The following LSAMP variants were observed in gnomAD, a reference collection of about 807,000 sequenced individuals.
LSAMP encodes the protein limbic system-associated membrane protein.
In LSAMP, 7 loss-of-function variants were observed where a neutral mutation model predicts 38.6. That is an observed-to-expected ratio of 0.18 (90% CI 0.10 to 0.34). The LOEUF is 0.34. Among genes scored for constraint, LSAMP ranks in the 10% least tolerant of loss-of-function variants. The probability of loss-of-function intolerance (pLI) is 1.00; values close to 1 mark genes in which losing one functional copy is unlikely to be tolerated. For missense variants in LSAMP, 313 were observed against 420.0 expected (o/e 0.75, Z 2.23); for synonymous variants, 154 against 166.8 (o/e 0.92, Z 0.59).
At chr3:116,184,839 G>T (rs1209639662) in intron 1 of LSAMP, among the ~76,000 whole-genome samples, 3 of 151,660 alleles carry the variant, frequency 2.0e-5, no homozygotes, top group African/African-American at 7.3e-5. Context: ...CTTTCTCAAA[G>T]ATTTTATTTT....
chr3:116,246,141 C>T (rs2046603005), intron 1 of LSAMP, among the ~76,000 whole-genome samples: 1 of 152,184 alleles, frequency 6.6e-6, no homozygotes, highest in African/African-American at 2.4e-5. Context: ...ATTCAAGTTT[C>T]CCAAACAAAA....
At chr3:115,945,660 T>G (rs978226071) in intron 3 of LSAMP, among the ~76,000 whole-genome samples, 43 of 152,074 alleles carry the variant, frequency 2.8e-4, no homozygotes, top group African/African-American at 9.9e-4. Flanking sequence ...GGTCCTAGCA[T>G]CCAACCACTT....
intron 6 of LSAMP, among the ~76,000 whole-genome samples, chr3:115,838,863 C>A (rs1336812083): frequency 6.6e-6 from 1 of 152,184 alleles, no homozygotes; most frequent in African/African-American, 2.4e-5. Context: ...GTGGTGGATA[C>A]GGCTGAAAAT....
At chr3:116,040,752 CT>C (rs907804122) in intron 2 of LSAMP, among the ~76,000 whole-genome samples, 8 of 151,894 alleles carry the variant, frequency 5.3e-5, no homozygotes, top group Non-Finnish European at 1.0e-4. Flanking sequence ...CTCTTTCTTC[CT>C]TTTTTTTCTT....
intron 1 of LSAMP, among the ~76,000 whole-genome samples, chr3:116,382,037 A>G (rs2048565972): frequency 6.6e-6 from 1 of 152,154 alleles, no homozygotes; most frequent in South Asian, 2.1e-4. Context: ...GATGTGGAGA[A>G]ACAGGAATAC....
At chr3:116,306,060 T>C (rs1173731256) in intron 1 of LSAMP, among the ~76,000 whole-genome samples, 2 of 152,046 alleles carry the variant, frequency 1.3e-5, no homozygotes, top group African/African-American at 4.8e-5. Flanking sequence ...TTAATGTTTA[T>C]TCAACAAATA....
At chr3:116,112,729 C>G (rs879286395) in intron 1 of LSAMP, among the ~76,000 whole-genome samples, 5 of 152,078 alleles carry the variant, frequency 3.3e-5, no homozygotes, top group Admixed American at 6.5e-5. Flanking sequence ...AAGTGGGGAA[C>G]GAGTTTGGTA....
chr3:116,365,684 T>C (rs1184745299), intron 1 of LSAMP, among the ~76,000 whole-genome samples: 3 of 78,268 alleles, frequency 3.8e-5, no homozygotes, highest in Non-Finnish European at 6.7e-5. Context: ...TATGCAGCCA[T>C]AAAAAATGAT....
intron 1 of LSAMP, among the ~76,000 whole-genome samples, chr3:116,190,088 GACACAC>G (rs3071108): frequency 2.7e-4 from 38 of 142,796 alleles, no homozygotes; most frequent in African/African-American, 7.2e-4. Flanking sequence ...TCCAGTAGTA[GACACAC>G]ACACACACAC....
At chr3:116,105,531 G>A (rs573815850) in intron 1 of LSAMP, among the ~76,000 whole-genome samples, 38 of 152,116 alleles carry the variant, frequency 2.5e-4, no homozygotes, top group Non-Finnish European at 4.4e-4. Context: ...AGTCAAAGGG[G>A]GTTGTTCTCT....
chr3:116,337,528 T>G (rs190512135), intron 1 of LSAMP, among the ~76,000 whole-genome samples: 1 of 152,028 alleles, frequency 6.6e-6, no homozygotes, highest in African/African-American at 2.4e-5. Flanking sequence ...CAAAGAGTAT[T>G]TTTACTGTAT....
intron 3 of LSAMP, among the ~76,000 whole-genome samples, chr3:115,876,518 A>G (rs1185812083): frequency 1.3e-5 from 2 of 151,924 alleles, no homozygotes; most frequent in Non-Finnish European, 2.9e-5. Context: ...ATTGATTTCT[A>G]TCTTACTCTT....
chr3:115,915,720 C>T (rs1217350284), intron 3 of LSAMP, among the ~76,000 whole-genome samples: 3 of 151,976 alleles, frequency 2.0e-5, no homozygotes, highest in Non-Finnish European at 4.4e-5. Flanking sequence ...GCAACTTCCG[C>T]CTCCCGGGTT....
In LSAMP at chr3:116,166,101, C is replaced by T. The variant is rs116257163; in HGVS notation, c.156-79545G>A. Reference sequence around the variant, plus strand: ...TCAGCCCCAGTGATTACCATAATACCTGTCATGTCATTGCTCAATTACATG... The same window carrying T: ...TCAGCCCCAGTGATTACCATAATACTTGTCATGTCATTGCTCAATTACATG... On this transcript the variant is annotated intron_variant, in intron 1 of 6. Transcript: ENST00000490035. Among the ~76,000 whole-genome samples, 613 of 152,288 alleles carry T rather than the reference C, an allele frequency of 4.0e-3. 5 individuals carry two copies. The highest frequency in any genetic ancestry group is 0.014 in the African/African-American group (587 of 41,544).
intron 2 of LSAMP, among the ~76,000 whole-genome samples, chr3:116,039,059 T>A (rs1158346593): frequency 6.6e-6 from 1 of 152,210 alleles, no homozygotes; most frequent in Admixed American, 6.5e-5. Context: ...TTTAAATGTA[T>A]AGAGGTGTCT....
chr3:116,058,131 G>C (rs893560749), intron 2 of LSAMP, among the ~76,000 whole-genome samples: 10 of 152,114 alleles, frequency 6.6e-5, no homozygotes, highest in Non-Finnish European at 1.3e-4. Flanking sequence ...AGGAGTGAAG[G>C]CAGCTTTATT....
chr3:115,939,803 T>A (rs1453730733), intron 3 of LSAMP, among the ~76,000 whole-genome samples: 1 of 152,130 alleles, frequency 6.6e-6, no homozygotes, highest in Non-Finnish European at 1.5e-5. Context: ...CAAACGATCA[T>A]CCTGCTCCTC....
At chr3:116,106,373 T>G (rs4263291) in intron 1 of LSAMP, among the ~76,000 whole-genome samples, 41,903 of 151,878 alleles carry the variant, frequency 0.28, 7,581 homozygotes, top group African/African-American at 0.52. Context: ...AAGTTTTTTT[T>G]GGGGGTACAG....
chr3:115,886,328 A>G lies in LSAMP; in HGVS notation c.515-33711T>C, dbSNP rs190013412. On this transcript the variant is annotated intron_variant, in intron 3 of 6. Transcript: ENST00000490035. Reference sequence around the variant, plus strand: ...GGTATGTATGCTTATCCAAACATGTATTCTTAATTTCTATATTTATCTTAT... The same window carrying G: ...GGTATGTATGCTTATCCAAACATGTGTTCTTAATTTCTATATTTATCTTAT... 9.2e-5 allele frequency among the ~76,000 whole-genome samples: 14 copies of G among 152,104 alleles called. No individual in the cohort carries two copies. The East Asian group carries it at 2.7e-3, about 29-fold the overall frequency.
Sources: gnomAD v4.1 joint callset for allele counts (sites outside exome capture counted in the v4.1 genomes callset) on GRCh38, gnomAD v4.1.1 for gene constraint, MANE v1.5 for transcripts, NCBI Gene and HGNC (gene_info 2026-07-23, HGNC 2026-07-21) for gene names.